Variants in SLC9A8 observed in about 807,000 individuals in gnomAD.
SLC9A8 encodes the protein solute carrier family 9 member A8, also known as sodium/hydrogen exchanger 8.
SLC9A8 carries 48 observed loss-of-function variants against 66.6 expected under a neutral mutation model. The ratio of observed to expected loss-of-function variants is 0.72; its 90% CI spans 0.57 to 0.92. The LOEUF is 0.92. Ranked by LOEUF, SLC9A8 falls within the 40% of genes least tolerant of loss-of-function variation. The pLI, the probability that SLC9A8 is intolerant of heterozygous loss-of-function variation, is 0.00. For synonymous variants in SLC9A8, 274 were observed against 282.6 expected (o/e 0.97, Z 0.31); for missense variants, 599 against 747.3 (o/e 0.80, Z 2.31).
chr20:49,833,965 T>C (rs1387184276), intron 3 of SLC9A8, among the ~76,000 whole-genome samples: 1 of 151,846 alleles, frequency 6.6e-6, no homozygotes, highest in Admixed American at 6.6e-5. Context: ...TTTTTAAATA[T>C]AAGCTGGGCG....
chr20:49,845,284 G>C (rs962123278), intron 5 of SLC9A8, among the ~76,000 whole-genome samples, 165 bp downstream of exon 5: 24 of 152,248 alleles, frequency 1.6e-4, no homozygotes, highest in Non-Finnish European at 3.4e-4. Flanking sequence ...GACTTCTGGA[G>C]AGGAGCAGAC....
Position 49,852,478 on chromosome 20 carries a change from G to A in SLC9A8, c.569+1634G>A, listed in dbSNP as rs114744633. Among the ~76,000 whole-genome samples, 355 of 152,268 alleles carry A rather than the reference G, an allele frequency of 2.3e-3. 1 individual carries two copies. Among genetic ancestry groups the A allele is most frequent in the African/African-American group, 8.2e-3 (342 of 41,554 alleles). ...ACATAAAAATAACTTCGTTGCACAC[G>A]TTTTGTTTTGTTCTAGTGATATCTT... On this transcript the variant is annotated intron_variant, in intron 7 of 15. Coordinates refer to ENST00000361573, the MANE Select transcript of SLC9A8 (RefSeq NM_015266.3).
chr20:49,839,212 T>C (rs2087665372), intron 3 of SLC9A8, among the ~76,000 whole-genome samples: 2 of 152,258 alleles, frequency 1.3e-5, no homozygotes, highest in Non-Finnish European at 2.9e-5. Flanking sequence ...TTGTAAACTC[T>C]GCATTTCACA....
chr20:49,887,590 C>A (rs2089936738), intron 15 of SLC9A8, among the ~76,000 whole-genome samples: 1 of 152,180 alleles, frequency 6.6e-6, no homozygotes, highest in Admixed American at 6.5e-5. Context: ...CCAGAGACCA[C>A]ATGTTCAGCC....
intron 9 of SLC9A8, chr20:49,864,044 C>T (rs1225123897): frequency 2.6e-5 from 4 of 151,676 alleles, no homozygotes; most frequent in African/African-American, 9.7e-5. Context: ...TTTTCCAGTT[C>T]AGTATTTTCC....
intron 3 of SLC9A8, among the ~76,000 whole-genome samples, chr20:49,838,076 ACT>A (rs1326550662): frequency 7.2e-5 from 7 of 97,206 alleles, no homozygotes; most frequent in African/African-American, 2.4e-4. Flanking sequence ...ACACACAAAC[ACT>A]CACACCCTGG....
chr20:49,879,088 C>T (rs770873316), intron 12 of SLC9A8, among the ~76,000 whole-genome samples: 5 of 151,992 alleles, frequency 3.3e-5, no homozygotes, highest in Non-Finnish European at 7.4e-5. Flanking sequence ...TTGATCAAAC[C>T]TGAAACAAGT....
At position 49,844,674 on chromosome 20, in the gene SLC9A8, C is replaced by T. The variant is rs143468105; in HGVS notation, c.349-362C>T. On this transcript the variant is annotated intron_variant, in intron 4 of 15. Coordinates refer to ENST00000361573, the MANE Select transcript of SLC9A8 (RefSeq NM_015266.3). The stretch of plus-strand genomic sequence containing the variant: ...AATTAGCCCGGCATGGTAGCACGCA[C>T]ATGTAGTCCCAGCTACTCAGGAGGC... Among the ~76,000 whole-genome samples the T allele has an allele frequency of 4.2e-3, 613 of 146,102 alleles. 3 individuals carry two copies. Among genetic ancestry groups the T allele is most frequent in the African/African-American group, 0.015 (592 of 39,870 alleles).
rs952215349 is a variant in SLC9A8, at chr20:49,812,884, C to G, written c.-39C>G. ...GAAGCAAAAGCGGGTCCTGCTAGCC[C>G]CGCGGCTCCGAACTCGGTGGTCCTG... On this transcript the variant is annotated 5_prime_UTR_variant, in exon 1 of 16. Transcript: ENST00000361573. 1.3e-6 allele frequency: 2 copies of G among 1,498,072 alleles called. No homozygotes were observed. Among genetic ancestry groups the G allele is most frequent in the African/African-American group, 2.9e-5 (2 of 68,848 alleles). 92.8% of individuals were successfully genotyped at this position (1,498,072 alleles called of 1,614,324 possible).
At chr20:49,828,710 A>G (rs1467840355) in intron 3 of SLC9A8, among the ~76,000 whole-genome samples, 1 of 151,702 alleles carries the variant, frequency 6.6e-6, no homozygotes, top group Non-Finnish European at 1.5e-5. Flanking sequence ...ATGGTGGCAT[A>G]TATCTGTAAT....
chr20:49,884,290 A>G lies in SLC9A8; in HGVS notation c.1491+224A>G, dbSNP rs55782863. On this transcript the variant is annotated intron_variant, in intron 14 of 15. Transcript: ENST00000361573. ...CACACACACGACACACACACACACGACACACACACACACACACACACACAC... is the reference window on the plus strand; with the variant it reads ...CACACACACGACACACACACACACGGCACACACACACACACACACACACAC... The G allele has an allele frequency of 2.0e-3, 255 of 128,386 alleles. 6 individuals are homozygous for G. The highest frequency in any genetic ancestry group is 2.4e-3 in the Non-Finnish European group (182 of 76,930). The allele number at this position is 128,386 out of a possible 1,614,324, so 8.0% of individuals were successfully genotyped here.
Position 49,815,100 on chromosome 20 carries a change from A to T in SLC9A8, c.119A>T (p.Lys40Met). The T allele has an allele frequency of 6.2e-7, 1 of 1,609,066 alleles. No homozygotes were observed. The highest frequency in any genetic ancestry group is 8.5e-7 in the Non-Finnish European group (1 of 1,177,900). ...AAACTGGTGCTCCCGACCCCTGGCA[A>T]GCCCATCCTCCCCGTGCAGACAGGG... ...TTKLVLPTPGKPILPVQTGEQ... is the reference protein window; with the variant it reads ...TTKLVLPTPGMPILPVQTGEQ... The change falls in exon 2 of 16, where the codon AAG (lysine) becomes ATG (methionine). Residue 40 changes from lysine (K) to methionine (M), a missense_variant. By Grantham distance (95) the Lys-to-Met change is moderately conservative. Coordinates refer to ENST00000361573, the MANE Select transcript of SLC9A8 (RefSeq NM_015266.3).
intron 1 of SLC9A8, among the ~76,000 whole-genome samples, chr20:49,813,186 C>T (rs1292354235): frequency 6.6e-6 from 1 of 152,222 alleles, no homozygotes; most frequent in Non-Finnish European, 1.5e-5. Context: ...AGCGCAGGCC[C>T]GGAGAGCTGT....
At chr20:49,856,087 C>T (rs2088468875) in intron 8 of SLC9A8, among the ~76,000 whole-genome samples, 1 of 152,220 alleles carries the variant, frequency 6.6e-6, no homozygotes, top group Admixed American at 6.5e-5. Context: ...GCCATTGCTC[C>T]TGGCTTTGCC....
At position 49,834,476 on chromosome 20, in the gene SLC9A8, T is replaced by C. The variant is rs1333041259; in HGVS notation, c.290-5065T>C. Among the ~76,000 whole-genome samples the C allele has an allele frequency of 2.2e-5, 3 of 137,268 alleles. 1 individual carries two copies. Among genetic ancestry groups the C allele is most frequent in the Non-Finnish European group, 4.6e-5 (3 of 64,730 alleles). The allele number at this position is 137,268 out of a possible 152,430, so 90.1% of individuals were successfully genotyped here. The stretch of plus-strand genomic sequence containing the variant: ...TGTATATATATATACTGTGTATATA[T>C]ATATATACTGTATATATACACACAC... On this transcript the variant is annotated intron_variant, in intron 3 of 15. Coordinates refer to ENST00000361573, the MANE Select transcript of SLC9A8 (RefSeq NM_015266.3).
rs754934751 is a variant in SLC9A8 at position 49,823,067 on chromosome 20, G to A, written c.215G>A (p.Cys72Tyr). 23 of 1,608,742 alleles carry A rather than the reference G, an allele frequency of 1.4e-5. No individual in the cohort carries two copies. Among genetic ancestry groups the A allele is most frequent in the Non-Finnish European group, 2.0e-5 (23 of 1,176,618 alleles). Residue 72 changes from cysteine (C) to tyrosine (Y), a missense_variant, in exon 3 of 16, where the codon TGC becomes TAC. Physicochemically the swap from Cys to Tyr is radical, Grantham distance 194. Coordinates refer to ENST00000361573, the MANE Select transcript of SLC9A8 (RefSeq NM_015266.3). Reference protein sequence around the residue: ...IFFSLLVLAICIILVHLLIRY... With the variant: ...IFFSLLVLAIYIILVHLLIRY... ...ATTATTTTTTTTTCCACAGCTATCT[G>A]CATCATATTGGTGCATTTACTGATC...
At chr20:49,857,705 G>A (rs1357452062) in intron 8 of SLC9A8, among the ~76,000 whole-genome samples, 1 of 152,146 alleles carries the variant, frequency 6.6e-6, no homozygotes, top group African/African-American at 2.4e-5. Context: ...GCGTCAGAGT[G>A]AGACTCTGTT....
chr20:49,847,333 C>T (rs1363718520), intron 5 of SLC9A8, among the ~76,000 whole-genome samples: 1 of 149,268 alleles, frequency 6.7e-6, no homozygotes, highest in Non-Finnish European at 1.5e-5. Flanking sequence ...TTGATTTTGA[C>T]TTAAAAACAT....
intron 4 of SLC9A8, 97 bp downstream of exon 4, chr20:49,839,696 ATTATG>A (rs922209103): frequency 2.7e-5 from 19 of 696,442 alleles, no homozygotes; most frequent in African/African-American, 1.1e-4. Flanking sequence ...TATTTATATT[ATTATG>A]TTATATATCC....
Sources: gnomAD v4.1 joint callset for allele counts (sites outside exome capture counted in the v4.1 genomes callset) on GRCh38, gnomAD v4.1.1 for gene constraint, MANE v1.5 for transcripts, NCBI Gene and HGNC (gene_info 2026-07-23, HGNC 2026-07-21) for gene names.